TTC7B: variants seen among roughly 807,000 people sequenced by gnomAD.
TTC7B encodes the protein tetratricopeptide repeat domain 7B.
Under a neutral mutation model 106.8 loss-of-function variants are expected in TTC7B, and 28 were observed. The observed-to-expected ratio is 0.26, with a 90% CI of 0.19 to 0.36. The LOEUF is 0.36. Among genes scored for constraint, TTC7B ranks in the 10% least tolerant of loss-of-function variants. The pLI is 1.00. For missense variants in TTC7B, 862 were observed against 1,076.4 expected, an observed-to-expected ratio of 0.80 and a Z score of 2.79; for synonymous variants, 405 against 430.6, an observed-to-expected ratio of 0.94 and a Z score of 0.74.
intron 15 of TTC7B, among the ~76,000 whole-genome samples, chr14:90,619,750 G>T (rs1212061252): frequency 6.6e-6 from 1 of 152,132 alleles, no homozygotes; most frequent in Non-Finnish European, 1.5e-5. Context: ...TTCTGGATGT[G>T]ATTTTCTTCC....
At chr14:90,554,697 C>T (rs906442249) in intron 19 of TTC7B, among the ~76,000 whole-genome samples, 2 of 152,196 alleles carry the variant, frequency 1.3e-5, no homozygotes, top group East Asian at 3.8e-4. Flanking sequence ...TGCCACAGAG[C>T]AAGGCTTATT....
intron 1 of TTC7B, among the ~76,000 whole-genome samples, chr14:90,787,024 C>A (rs1891416639): frequency 6.6e-6 from 1 of 152,080 alleles, no homozygotes. Context: ...CGATGAAATC[C>A]CCAGCTCTGG....
At position 90,527,415 on chromosome 14, in the gene TTC7B, C is replaced by T. The variant is rs185310261; in HGVS notation, c.*13953G>A. The T allele has an allele frequency of 6.6e-6, 1 of 152,328 alleles. No homozygotes were observed. Among genetic ancestry groups the T allele is most frequent in the East Asian group, 1.9e-4 (1 of 5,188 alleles). 9.4% of individuals were successfully genotyped at this position (152,328 alleles called of 1,614,324 possible). A position where few individuals can be genotyped will look rare whatever the true frequency, so the allele number is the denominator to read the frequency against. ...ATTGATGTTTCACTTAACCCCACCC[C>T]TGTTACTGTCCCTCTGGTAGAAGTC... On this transcript the variant is annotated 3_prime_UTR_variant, in exon 20 of 20. Transcript: ENST00000328459.
intron 6 of TTC7B, among the ~76,000 whole-genome samples, chr14:90,694,829 T>C (rs1210214694): frequency 7.2e-6 from 1 of 139,596 alleles, no homozygotes; most frequent in Admixed American, 7.4e-5. Flanking sequence ...TATATACATA[T>C]ATATGTCACA....
intron 3 of TTC7B, among the ~76,000 whole-genome samples, chr14:90,747,958 A>C (rs1346793138): frequency 6.6e-6 from 1 of 151,952 alleles, no homozygotes; most frequent in Non-Finnish European, 1.5e-5. Flanking sequence ...CTTTACTTTT[A>C]ATCTTTACTT....
intron 15 of TTC7B, among the ~76,000 whole-genome samples, chr14:90,622,476 T>C (rs1884249648): frequency 6.8e-6 from 1 of 147,682 alleles, no homozygotes; most frequent in Non-Finnish European, 1.5e-5. Context: ...AAGCCTGTAA[T>C]CCCAGCACTT....
chr14:90,750,146 T>G (rs1051813294), intron 3 of TTC7B, among the ~76,000 whole-genome samples: 38 of 152,226 alleles, frequency 2.5e-4, no homozygotes, highest in Non-Finnish European at 5.3e-4. Flanking sequence ...ATCGCAGATT[T>G]GGAAGCATTA....
rs115504823 is a variant in TTC7B at position 90,627,209 on chromosome 14, C to T, written c.1752-9164G>A. Among the ~76,000 whole-genome samples, 1,156 of 152,228 alleles carry T rather than the reference C, an allele frequency of 7.6e-3. 7 individuals carry two copies. Among genetic ancestry groups the T allele is most frequent in the African/African-American group, 0.026 (1,072 of 41,562 alleles). On this transcript the variant is annotated intron_variant, in intron 15 of 19. Transcript: ENST00000328459. ...TTATGTTGCCCAGCCTGTTCTTGAA[C>T]TCCCGGGCTCAAGAGATCCTCCTAC...
At chr14:90,573,977 C>T (rs1668096240) in intron 19 of TTC7B, among the ~76,000 whole-genome samples, 1 of 152,186 alleles carries the variant, frequency 6.6e-6, no homozygotes, top group African/African-American at 2.4e-5. Flanking sequence ...CACACTTGCC[C>T]TCAAAAGCCC....
chr14:90,572,038 TC>T (rs755006689), intron 19 of TTC7B, among the ~76,000 whole-genome samples: 5 of 152,068 alleles, frequency 3.3e-5, no homozygotes, highest in Non-Finnish European at 7.4e-5. Context: ...CAGCAATTTT[TC>T]CCAAATCTCA....
At chr14:90,691,352 G>T (rs758684671) in intron 6 of TTC7B, among the ~76,000 whole-genome samples, 2 of 151,860 alleles carry the variant, frequency 1.3e-5, no homozygotes, top group Non-Finnish European at 2.9e-5. Flanking sequence ...TTTTTTAAAC[G>T]TGGGGTTTTG....
chr14:90,643,962 A>G, intron 15 of TTC7B, 86 bp downstream of exon 15: 1 of 1,490,860 alleles, frequency 6.7e-7, no homozygotes, highest in Middle Eastern at 1.9e-4. Flanking sequence ...TCCATGAGGG[A>G]CTTAGACAGA....
chr14:90,550,643 A>G lies in TTC7B; in HGVS notation c.2311-9054T>C, dbSNP rs1023027088. ...ACCTACTGATTCCTCAGTTGACACT[A>G]TTAGTGACTCCGAGAGGAGGGGGGG... On this transcript the variant is annotated intron_variant, in intron 19 of 19. Coordinates refer to ENST00000328459, the MANE Select transcript of TTC7B (RefSeq NM_001010854.2). Among the ~76,000 whole-genome samples, 11 of 152,186 alleles carry G rather than the reference A, an allele frequency of 7.2e-5. 1 individual carries two copies. The East Asian group carries it at 2.1e-3, about 29-fold the overall frequency.
chr14:90,593,786 G>T, intron 17 of TTC7B, 160 bp from the exon 18 acceptor site: 1 of 640,428 alleles, frequency 1.6e-6, no homozygotes, highest in Non-Finnish European at 2.4e-6. Context: ...CACGGCCCGG[G>T]GCCTTAGTTT....
chr14:90,730,536 C>T (rs770611827), intron 4 of TTC7B, among the ~76,000 whole-genome samples: 11 of 152,142 alleles, frequency 7.2e-5, no homozygotes, highest in Non-Finnish European at 1.5e-4. Context: ...GACACGGAAG[C>T]GGGTCCTAGC....
chr14:90,694,800 T>G (rs190081992), intron 6 of TTC7B, among the ~76,000 whole-genome samples: 655 of 132,376 alleles, frequency 4.9e-3, no homozygotes, highest in African/African-American at 0.017. Context: ...ATACATTTTA[T>G]TATAAAACAT....
chr14:90,619,866 T>C (rs1433648341), intron 15 of TTC7B, among the ~76,000 whole-genome samples: 1 of 152,248 alleles, frequency 6.6e-6, no homozygotes, highest in African/African-American at 2.4e-5. Context: ...ATTTACTCAC[T>C]GACTACTTTT....
intron 15 of TTC7B, among the ~76,000 whole-genome samples, chr14:90,631,366 T>A (rs950880507): frequency 7.2e-5 from 11 of 151,990 alleles, no homozygotes; most frequent in Admixed American, 5.9e-4. Context: ...ATTTTTAATG[T>A]TTTGAGGAAC....
chr14:90,717,554 A>T (rs1027199167), intron 5 of TTC7B, among the ~76,000 whole-genome samples: 22 of 152,282 alleles, frequency 1.4e-4, no homozygotes, highest in African/African-American at 5.3e-4. Flanking sequence ...GTATCCTAAG[A>T]AAAGTCATAA....
Sources: allele counts gnomAD v4.1 joint callset (sites outside exome capture counted in the v4.1 genomes callset), GRCh38; gene constraint gnomAD v4.1.1; transcripts MANE v1.5; gene names NCBI Gene and HGNC (gene_info 2026-07-23, HGNC 2026-07-21).